Variants in LRRIQ1 observed in about 807,000 individuals in gnomAD.
LRRIQ1 encodes the protein leucine-rich repeat- and IQ domain-containing protein 1.
In LRRIQ1, 210 loss-of-function variants were observed where a neutral mutation model predicts 211.9. The ratio of observed to expected loss-of-function variants is 0.99; its 90% CI spans 0.89 to 1.11. The LOEUF (loss-of-function observed/expected upper bound fraction) is 1.11, where lower values mean the gene tolerates loss of function less well. Ranked by LOEUF, LRRIQ1 falls within the 50% of genes most tolerant of loss-of-function variation. The pLI, the probability that LRRIQ1 is intolerant of heterozygous loss-of-function variation, is 0.00. For missense variants in LRRIQ1, 2,136 were observed against 1,939.5 expected (o/e 1.10, Z -1.90); for synonymous variants, 699 against 650.1 (o/e 1.08, Z -1.14).
At position 85,056,362 on chromosome 12, in the gene LRRIQ1, A is replaced by T; in HGVS notation, c.1569A>T (p.Glu523Asp). 2 of 1,592,636 alleles carry T rather than the reference A, an allele frequency of 1.3e-6. No individual in the cohort carries two copies. The highest frequency in any genetic ancestry group is 8.5e-7 in the Non-Finnish European group (1 of 1,174,586). The change falls in exon 8 of 27, where the codon GAA (glutamate) becomes GAT (aspartate). Residue 523 changes from glutamate (E) to aspartate (D), a missense_variant. Physicochemically the swap from Glu to Asp is conservative, Grantham distance 45. Transcript: ENST00000393217. ...CTGATCTAAAAGGAAATCTGAAAGA[A>T]CAGTTTCCATTGCAAGAATTAAAGT... ...GNSDLKGNLK[E>D]QFPLQELKSD...
Position 85,061,255 on chromosome 12 carries a change from C to T in LRRIQ1, c.2392-4007C>T, listed in dbSNP as rs151257082. ...ACTAATTCTATATTGACCTTAATTT[C>T]GAAGCATAAAGTGGTTTTATGTATG... On this transcript the variant is annotated intron_variant, in intron 8 of 26. Coordinates refer to ENST00000393217, the MANE Select transcript of LRRIQ1 (RefSeq NM_001079910.2). Among the ~76,000 whole-genome samples, 466 of 151,726 alleles carry T rather than the reference C, an allele frequency of 3.1e-3. 5 individuals are homozygous for T. Among genetic ancestry groups the T allele is most frequent in the African/African-American group, 0.011 (449 of 41,470 alleles).
Position 85,068,988 on chromosome 12 carries a change from G to A in LRRIQ1, c.2695+2090G>A, listed in dbSNP as rs1388893178. On this transcript the variant is annotated intron_variant, in intron 10 of 26. Transcript: ENST00000393217. ...AAGTTTTAGGGTACATGTGCACAAC[G>A]TGCAGGTTTGTTACATATGTATACA... Among the ~76,000 whole-genome samples, 5 of 150,532 alleles carry A rather than the reference G, an allele frequency of 3.3e-5. No individual in the cohort carries two copies. The South Asian group carries it at 8.4e-4, about 25-fold the overall frequency.
intron 23 of LRRIQ1, 107 bp from the exon 24 acceptor site, chr12:85,160,506 A>G (rs2136725147): frequency 3.3e-6 from 2 of 610,928 alleles, no homozygotes; most frequent in South Asian, 5.1e-5. Flanking sequence ...ATAGAGCTTT[A>G]TAAAGTGGAT....
At chr12:85,193,165 G>A (rs188574095) in intron 24 of LRRIQ1, among the ~76,000 whole-genome samples, 14 of 117,320 alleles carry the variant, frequency 1.2e-4, no homozygotes, top group Non-Finnish European at 2.4e-4. Flanking sequence ...ATATATATGG[G>A]ACTATGTGAA....
intron 10 of LRRIQ1, among the ~76,000 whole-genome samples, chr12:85,069,699 G>T (rs1160167708): frequency 6.6e-6 from 1 of 152,086 alleles, no homozygotes; most frequent in East Asian, 1.9e-4. Context: ...CAGTGATGAT[G>T]AACATTTTTT....
intron 15 of LRRIQ1, among the ~76,000 whole-genome samples, chr12:85,106,997 T>C (rs1236424703): frequency 6.6e-6 from 1 of 152,084 alleles, no homozygotes; most frequent in Non-Finnish European, 1.5e-5. Context: ...AATTTGGTTT[T>C]GTTTTATTTT....
At position 85,091,273 on chromosome 12, in the gene LRRIQ1, C is replaced by A. The variant is rs543764200; in HGVS notation, c.2888-7082C>A. On this transcript the variant is annotated intron_variant, in intron 11 of 26. Coordinates refer to ENST00000393217, the MANE Select transcript of LRRIQ1 (RefSeq NM_001079910.2). ...TCTCGGTTATTTATTTATAGCAATG[C>A]AAGAATGGCCTAATACAGTCTTCCT... 2.6e-5 allele frequency among the ~76,000 whole-genome samples: 4 copies of A among 152,230 alleles called. No individual in the cohort carries two copies. The South Asian group carries it at 8.3e-4, about 32-fold the overall frequency.
At chr12:85,253,925 A>G (rs1896016838) in intron 1 of LRRIQ1, among the ~76,000 whole-genome samples, 1 of 151,960 alleles carries the variant, frequency 6.6e-6, no homozygotes, top group South Asian at 2.1e-4. Context: ...GTCCCTGCTC[A>G]CATCTCATTG....
chr12:85,098,700 GTTAA>G (rs993681787), intron 12 of LRRIQ1, 152 bp downstream of exon 12: 49 of 715,518 alleles, frequency 6.8e-5, no homozygotes, highest in Admixed American at 1.7e-4. Context: ...ATATTATACA[GTTAA>G]TTAATAGAAA....
intron 8 of LRRIQ1, among the ~76,000 whole-genome samples, chr12:85,059,290 T>A (rs1268108852): frequency 6.6e-6 from 1 of 152,026 alleles, no homozygotes. Flanking sequence ...ATAAATCGGA[T>A]CTTCGTGTTG....
intron 11 of LRRIQ1, among the ~76,000 whole-genome samples, chr12:85,089,722 A>G (rs984624078): frequency 1.3e-5 from 2 of 152,246 alleles, no homozygotes; most frequent in African/African-American, 4.8e-5. Flanking sequence ...ATGTGGTAGC[A>G]AAATAATGAC....
chr12:85,112,994 T>TG (rs1162563493), intron 15 of LRRIQ1, among the ~76,000 whole-genome samples: 1 of 152,138 alleles, frequency 6.6e-6, no homozygotes, highest in Non-Finnish European at 1.5e-5. Flanking sequence ...CTTCATTTAT[T>TG]GGGGAAAGGA....
chr12:85,252,413 C>T (rs989283328), intron 1 of LRRIQ1, among the ~76,000 whole-genome samples: 2 of 151,708 alleles, frequency 1.3e-5, no homozygotes, highest in African/African-American at 4.8e-5. Flanking sequence ...GAGGAAGAAG[C>T]TAGTTATAGA....
At chr12:85,128,880 G>A (rs550531531) in intron 18 of LRRIQ1, among the ~76,000 whole-genome samples, 2 of 152,248 alleles carry the variant, frequency 1.3e-5, no homozygotes, top group Admixed American at 6.5e-5. Context: ...AGAAGTCCGA[G>A]CACAACATGG....
the LRRIQ1 span, among the ~76,000 whole-genome samples, chr12:85,270,652 G>T: frequency 1.4e-4 from 22 of 152,162 alleles, no homozygotes; most frequent in African/African-American, 4.8e-4. Flanking sequence ...CTTAGTAAAT[G>T]ATCTCACAAT....
At chr12:85,137,762 G>T in intron 18 of LRRIQ1, 88 bp from the exon 19 acceptor site, 5 of 1,122,760 alleles carry the variant, frequency 4.5e-6, no homozygotes, top group Non-Finnish European at 4.8e-6. Context: ...GGTCTAAGAT[G>T]TTTTATCTTC....
At chr12:85,226,531 CTTT>C (rs540579707) in intron 24 of LRRIQ1, among the ~76,000 whole-genome samples, 17 of 136,550 alleles carry the variant, frequency 1.2e-4, no homozygotes, top group Non-Finnish European at 1.6e-4. Flanking sequence ...TTTCTACTTC[CTTT>C]TTTTTTTTTT....
In LRRIQ1 at chr12:85,098,939, G is replaced by A. The variant is rs752110103; in HGVS notation, c.3154G>A (p.Ala1052Thr). 5 of 1,573,358 alleles carry A rather than the reference G, an allele frequency of 3.2e-6. No individual in the cohort carries two copies. The African/African-American group carries it at 5.5e-5, about 17-fold the overall frequency. Reference protein sequence around the residue: ...LDDNSISTVEAFSSYWLPLLQ... With the variant: ...LDDNSISTVETFSSYWLPLLQ... ...TGATAACAGCATTTCAACTGTGGAAGCATTTTCTTCATACTGGCTGCCTTT... is the reference window on the plus strand; with the variant it reads ...TGATAACAGCATTTCAACTGTGGAAACATTTTCTTCATACTGGCTGCCTTT... Residue 1052 changes from alanine to threonine, a missense_variant, in exon 13 of 27, where the codon GCA becomes ACA. Transcript: ENST00000393217.
chr12:85,236,830 C>CATATATATATATCTATATATCTATAT (rs1555228680), intron 26 of LRRIQ1, among the ~76,000 whole-genome samples: 1 of 108,810 alleles, frequency 9.2e-6, no homozygotes, highest in East Asian at 2.5e-4. Flanking sequence ...TGTATGTGTG[C>CATATATATATATCTATATATCTATAT]ATATATATAT....
Sources: gnomAD v4.1 joint callset for allele counts (sites outside exome capture counted in the v4.1 genomes callset) on GRCh38, gnomAD v4.1.1 for gene constraint, MANE v1.5 for transcripts, NCBI Gene and HGNC (gene_info 2026-07-23, HGNC 2026-07-21) for gene names.